MAMLD1: variants seen among roughly 807,000 people sequenced by gnomAD.
MAMLD1 encodes mastermind-like domain-containing protein 1.
MAMLD1 carries 14 observed loss-of-function variants against 45.0 expected under a neutral mutation model. That is an observed-to-expected ratio of 0.31 (90% confidence interval 0.21 to 0.49). The LOEUF is 0.49. Among genes scored for constraint, MAMLD1 ranks in the 20% least tolerant of loss-of-function variants. MAMLD1 has a pLI of 0.99. For synonymous variants in MAMLD1, 254 were observed against 247.8 expected, an observed-to-expected ratio of 1.02 and a Z score of -0.24; for missense variants, 543 against 603.6, an observed-to-expected ratio of 0.90 and a Z score of 1.05.
At chrX:150,491,752 G>T (rs781798490) in intron 5 of MAMLD1, among the ~76,000 whole-genome samples, 1 of 111,851 alleles carries the variant, frequency 8.9e-6, no homozygotes, top group Non-Finnish European at 1.9e-5. Flanking sequence ...CCCAGTGATA[G>T]CTCTTGCCTC....
intron 1 of MAMLD1, among the ~76,000 whole-genome samples, chrX:150,383,274 A>G (rs1487092558): frequency 2.7e-5 from 3 of 111,017 alleles, no homozygotes; most frequent in Non-Finnish European, 5.7e-5. Flanking sequence ...TTTTTTAAAG[A>G]GAGAAAAGAA....
chrX:150,489,436 A>C (rs1214636080), intron 5 of MAMLD1, among the ~76,000 whole-genome samples: 1 of 109,514 alleles, frequency 9.1e-6, no homozygotes, highest in African/African-American at 3.3e-5. Context: ...CATTCAGGAG[A>C]GCTCCACCCC....
At chrX:150,462,379 C>G (rs1473647598) in intron 2 of MAMLD1, among the ~76,000 whole-genome samples, 1 of 112,056 alleles carries the variant, frequency 8.9e-6, no homozygotes, top group African/African-American at 3.2e-5. Flanking sequence ...CCAACCCTCT[C>G]TTAGGCTTGT....
At chrX:150,422,502 G>A (rs962557386) in intron 1 of MAMLD1, among the ~76,000 whole-genome samples, 2 of 111,820 alleles carry the variant, frequency 1.8e-5, no homozygotes, top group African/African-American at 6.5e-5. Flanking sequence ...TCCACCTCCC[G>A]GGGTTCAAGC....
At chrX:150,367,014 A>C (rs1371340599) in intron 1 of MAMLD1, among the ~76,000 whole-genome samples, 1 of 93,399 alleles carries the variant, frequency 1.1e-5, no homozygotes, top group Admixed American at 1.4e-4. Context: ...CTTAAAAATC[A>C]TCCTCTTCCG....
chrX:150,397,745 T>A (rs1331226744), intron 1 of MAMLD1, among the ~76,000 whole-genome samples: 1 of 111,498 alleles, frequency 9.0e-6, no homozygotes. Flanking sequence ...GACTCATCCC[T>A]CTACACCCCC....
Position 150,512,250 on chromosome X carries a change from G to A in MAMLD1, c.*291G>A. On this transcript the variant is annotated 3_prime_UTR_variant, in exon 8 of 8. Coordinates refer to ENST00000370401, the MANE Select transcript of MAMLD1 (RefSeq NM_005491.5). ...TCACACTCAGGCCAGACTCCCCTGG[G>A]CAGACTTGACTCTGTCTGCCAGCAT... The A allele has an allele frequency of 9.0e-7, 1 of 1,115,107 alleles. No individual in the cohort carries two copies. Among genetic ancestry groups the A allele is most frequent in the Non-Finnish European group, 1.2e-6 (1 of 849,875 alleles). The allele number at this position is 1,115,107 out of a possible 1,213,427, so 91.9% of individuals were successfully genotyped here. A position where few individuals can be genotyped will look rare whatever the true frequency, so the allele number is the denominator to read the frequency against.
At chrX:150,483,348 G>T (rs2036882271) in intron 5 of MAMLD1, among the ~76,000 whole-genome samples, 1 of 112,390 alleles carries the variant, frequency 8.9e-6, no homozygotes, top group Admixed American at 9.4e-5. Flanking sequence ...AACTCCTCAG[G>T]CATAGGAAGA....
chrX:150,451,405 G>A (rs782319114), intron 2 of MAMLD1, among the ~76,000 whole-genome samples: 1 of 111,602 alleles, frequency 9.0e-6, no homozygotes, highest in East Asian at 2.8e-4. Context: ...TGCAGACCCA[G>A]GGGCCAGCCC....
chrX:150,499,288 C>T (rs190888316), intron 5 of MAMLD1, among the ~76,000 whole-genome samples: 2 of 112,200 alleles, frequency 1.8e-5, no homozygotes, highest in Non-Finnish European at 3.8e-5. Context: ...GTCAAGAAAC[C>T]TACAAGCTCT....
chrX:150,479,798 A>C (rs990350724), intron 5 of MAMLD1, among the ~76,000 whole-genome samples: 1 of 112,103 alleles, frequency 8.9e-6, no homozygotes, highest in African/African-American at 3.2e-5. Context: ...CTGTCGCTCT[A>C]CTACTACTAT....
intron 1 of MAMLD1, among the ~76,000 whole-genome samples, chrX:150,407,300 T>C (rs2034022846): frequency 8.9e-6 from 1 of 112,119 alleles, no homozygotes; most frequent in Non-Finnish European, 1.9e-5. Context: ...GGTAGTGATA[T>C]TTGAAGATTC....
chrX:150,380,397 T>A (rs1795677364), intron 1 of MAMLD1, among the ~76,000 whole-genome samples: 1 of 112,074 alleles, frequency 8.9e-6, no homozygotes, highest in East Asian at 2.8e-4. Flanking sequence ...CCCTCAATTT[T>A]AAGAGTATTT....
In MAMLD1 at chrX:150,470,215, G is replaced by A. The variant is rs1283106418; in HGVS notation, c.642G>A (p.Gln214=). The change falls in exon 4 of 8, where the codon CAG becomes CAA. Residue 214 remains glutamine (Q), a synonymous_variant. Transcript: ENST00000370401. ...AGCCACTGGTTTTAGATCATCCCCA[G>A]GCAACCCTAAGCACAACTCCCAAGC... ...PEEPLVLDHP[Q]ATLSTTPKPS... 12 of 1,210,043 alleles carry A rather than the reference G, an allele frequency of 9.9e-6. No homozygotes were observed. The Admixed American group carries it at 1.5e-4, about 15-fold the overall frequency.
At chrX:150,461,800 A>G (rs1368511650) in intron 2 of MAMLD1, among the ~76,000 whole-genome samples, 2 of 112,045 alleles carry the variant, frequency 1.8e-5, no homozygotes, top group African/African-American at 3.3e-5. Context: ...CCATGTTACC[A>G]TCTGCCCCTC....
chrX:150,478,682 C>T (rs185275468), intron 5 of MAMLD1, among the ~76,000 whole-genome samples: 2 of 112,468 alleles, frequency 1.8e-5, no homozygotes, highest in East Asian at 5.6e-4. Context: ...GGACTGGGGA[C>T]CAGGCAGATT....
At chrX:150,418,347 T>C (rs1366256637) in intron 1 of MAMLD1, among the ~76,000 whole-genome samples, 4 of 110,337 alleles carry the variant, frequency 3.6e-5, no homozygotes, top group African/African-American at 6.6e-5. Flanking sequence ...TTATTAGTCT[T>C]GCTAGTGGTC....
In MAMLD1 at chrX:150,470,805, C is replaced by T; in HGVS notation, c.1232C>T (p.Pro411Leu). The change falls in exon 4 of 8, where the codon CCC becomes CTC. Residue 411 changes from proline (P) to leucine (L), a missense_variant. Physicochemically the swap from Pro to Leu is moderately conservative, Grantham distance 98. Coordinates refer to ENST00000370401, the MANE Select transcript of MAMLD1 (RefSeq NM_005491.5). ...PAMPYAPEKL[P>L]SPALTQQPQF... ...ATGCCCTATGCTCCTGAGAAGCTCC[C>T]CAGCCCTGCTCTCACTCAACAGCCG... The T allele has an allele frequency of 1.6e-6, 2 of 1,212,191 alleles. No homozygotes were observed.
chrX:150,474,596 C>T (rs141548042), intron 5 of MAMLD1, among the ~76,000 whole-genome samples: 275 of 112,069 alleles, frequency 2.5e-3, no homozygotes, highest in African/African-American at 8.1e-3. Flanking sequence ...TCTCCAGACC[C>T]TGTACCCACC....
Sources: gnomAD v4.1 joint callset for allele counts (sites outside exome capture counted in the v4.1 genomes callset) on GRCh38, gnomAD v4.1.1 for gene constraint, MANE v1.5 for transcripts, NCBI Gene and HGNC (gene_info 2026-07-23, HGNC 2026-07-21) for gene names.